DST: variants seen among roughly 807,000 people sequenced by gnomAD.
The protein encoded by DST is dystonin, also known as bullous pemphigoid antigen.
Under a neutral mutation model 875.2 loss-of-function variants are expected in DST, and 253 were observed. The observed-to-expected ratio is 0.29, with a 90% CI of 0.26 to 0.32. The LOEUF (loss-of-function observed/expected upper bound fraction) is 0.32. Among genes scored for constraint, DST ranks in the 10% least tolerant of loss-of-function variants. DST has a pLI of 1.00. For missense variants in DST, 8,287 were observed against 9,111.6 expected (o/e 0.91, Z 3.68); for synonymous variants, 3,124 against 3,197.1 (o/e 0.98, Z 0.77).
intron 36 of DST, chr6:56,619,221 G>A (rs763346797): frequency 6.2e-7 from 1 of 1,613,730 alleles, no homozygotes; most frequent in Non-Finnish European, 8.5e-7. Context: ...TGGATAGTTT[G>A]TTTCTCTAAA....
intron 9 of DST, among the ~76,000 whole-genome samples, chr6:56,677,907 C>G (rs777783460): frequency 6.6e-6 from 1 of 152,182 alleles, no homozygotes; most frequent in Admixed American, 6.5e-5. Flanking sequence ...TCTTCAATAC[C>G]TTAAACTGCT....
chr6:56,619,708 A>G (rs773048256), intron 36 of DST: 2 of 1,614,052 alleles, frequency 1.2e-6, no homozygotes, highest in Non-Finnish European at 1.7e-6. Context: ...TCAATTGCCT[A>G]CCAAGCTCTC....
chr6:56,535,164 C>T lies in DST; in HGVS notation c.16899G>A (p.Ser5633=), dbSNP rs369986184. The T allele has an allele frequency of 8.1e-6, 13 of 1,613,672 alleles. No individual in the cohort carries two copies. In the South Asian group the frequency reaches 9.9e-5, roughly 12 times the overall value. ...EELVANQKPP[S]AEFKVVKAQI... ...GGGCCTTTACCACTTTGAACTCAGC[C>T]GACGGGGGCTTCTGATTGGCCACAA... The change falls in exon 63 of 104, where the codon TCG becomes TCA. Residue 5633 remains serine (S), a synonymous_variant. Transcript: ENST00000680361.
At chr6:56,758,204 TC>T (rs1288995726) in intron 4 of DST, among the ~76,000 whole-genome samples, 1 of 152,204 alleles carries the variant, frequency 6.6e-6, no homozygotes, top group African/African-American at 2.4e-5. Flanking sequence ...TTCCCAGCCT[TC>T]CTTGAGCTAG....
intron 98 of DST, among the ~76,000 whole-genome samples, chr6:56,468,585 C>T (rs541711854): frequency 6.6e-6 from 1 of 152,270 alleles, no homozygotes; most frequent in East Asian, 1.9e-4. Flanking sequence ...TTCTCAGCTA[C>T]TGTAGACCGT....
At chr6:56,619,797 T>C in intron 36 of DST, 1 of 1,614,216 alleles carries the variant, frequency 6.2e-7, no homozygotes, top group Non-Finnish European at 8.5e-7. Context: ...GTATTATTTG[T>C]TTCATCTAGT....
At chr6:56,658,455 A>AG (rs1413428365) in intron 10 of DST, among the ~76,000 whole-genome samples, 1 of 152,150 alleles carries the variant, frequency 6.6e-6, no homozygotes, top group East Asian at 1.9e-4. Flanking sequence ...TGAGTATGGG[A>AG]GGGGGGACAT....
At chr6:56,657,814 G>A (rs565822676) in intron 10 of DST, among the ~76,000 whole-genome samples, 2 of 152,152 alleles carry the variant, frequency 1.3e-5, no homozygotes, top group Non-Finnish European at 2.9e-5. Flanking sequence ...CATCCACCCT[G>A]GAGTGCAGTG....
chr6:56,894,969 G>C (rs1246278367), intron 3 of DST, among the ~76,000 whole-genome samples: 1 of 101,438 alleles, frequency 9.9e-6, no homozygotes, highest in East Asian at 2.8e-4. Flanking sequence ...GGGGCGGCTG[G>C]CCAGGCGGGG....
intron 3 of DST, among the ~76,000 whole-genome samples, chr6:56,893,826 T>C (rs1789265103): frequency 2.7e-5 from 1 of 37,526 alleles, no homozygotes; most frequent in Admixed American, 2.8e-4. Context: ...CCCTCAAGCA[T>C]CTGTTCAACA....
intron 29 of DST, 105 bp downstream of exon 29, chr6:56,631,778 T>A: frequency 1.8e-5 from 18 of 991,108 alleles, no homozygotes; most frequent in African/African-American, 3.2e-5. Context: ...CACACTAGAC[T>A]GGCTAGTGTG....
At chr6:56,610,367 G>C in intron 39 of DST, 60 bp downstream of exon 39, 1 of 1,278,842 alleles carries the variant, frequency 7.8e-7, no homozygotes. Flanking sequence ...TAGATTTCCA[G>C]AGCCATGCAA....
At chr6:56,785,970 C>G (rs905850486) in intron 4 of DST, 2 of 152,190 alleles carry the variant, frequency 1.3e-5, no homozygotes, top group African/African-American at 4.8e-5. Context: ...ATTATCACAT[C>G]TATATTCACA....
intron 10 of DST, among the ~76,000 whole-genome samples, chr6:56,663,459 T>C (rs1588076450): frequency 1.3e-5 from 2 of 152,362 alleles, no homozygotes; most frequent in Middle Eastern, 3.4e-3. Context: ...TGCACACACA[T>C]ACATACACCC....
At chr6:56,594,254 C>T in intron 47 of DST, 61 bp from the exon 48 acceptor site, 1 of 1,375,834 alleles carries the variant, frequency 7.3e-7, no homozygotes, top group Non-Finnish European at 9.7e-7. Context: ...CTGCAGGGAG[C>T]TCCTTGCCGC....
chr6:56,864,829 T>C (rs1278590910), intron 3 of DST, among the ~76,000 whole-genome samples: 1 of 152,172 alleles, frequency 6.6e-6, no homozygotes, highest in African/African-American at 2.4e-5. Flanking sequence ...AAATATATCA[T>C]TTTGAGGACT....
rs567318745 is a variant in DST, at chr6:56,495,015, C to T, written c.20224-835G>A. Among the ~76,000 whole-genome samples, 14 of 151,886 alleles carry T rather than the reference C, an allele frequency of 9.2e-5. No individual in the cohort carries two copies. In the East Asian group the frequency reaches 2.5e-3, roughly 27 times the overall value. ...TATAAAATACACTATTATAAGTATA[C>T]AATTCAGTGTTTTTAAAATTATATT... is the stretch of plus-strand genomic sequence containing the variant. On this transcript the variant is annotated intron_variant, in intron 82 of 103. Coordinates refer to ENST00000680361, the MANE Select transcript of DST (RefSeq NM_001374736.1).
At chr6:56,738,703 C>A (rs34086321) in intron 4 of DST, among the ~76,000 whole-genome samples, 4 of 151,898 alleles carry the variant, frequency 2.6e-5, no homozygotes, top group African/African-American at 9.7e-5. Flanking sequence ...CTTACTGCAA[C>A]CTCCACGTCC....
At chr6:56,953,862 T>G in intron 1 of DST, 43 bp from the exon 2 acceptor site, 1 of 1,284,126 alleles carries the variant, frequency 7.8e-7, no homozygotes, top group Non-Finnish European at 1.0e-6. Context: ...TAACTCCTTG[T>G]TCTTCACCTA....
Sources: allele counts gnomAD v4.1 joint callset (sites outside exome capture counted in the v4.1 genomes callset), GRCh38; gene constraint gnomAD v4.1.1; transcripts MANE v1.5; gene names NCBI Gene and HGNC (gene_info 2026-07-23, HGNC 2026-07-21).